The following CHST11 variants were observed in gnomAD, a reference collection of about 807,000 sequenced individuals.
CHST11 encodes the protein C4S-1.
Under a neutral mutation model 30.4 loss-of-function variants are expected in CHST11, and 9 were observed. The observed-to-expected ratio is 0.30, with a 90% confidence interval of 0.18 to 0.52. CHST11 has a LOEUF of 0.52. CHST11 is among the 20% of genes least tolerant of loss of function. The probability of loss-of-function intolerance (pLI) is 0.97; values close to 1 mark genes in which losing one functional copy is unlikely to be tolerated. For synonymous variants in CHST11, 152 were observed against 187.8 expected (o/e 0.81, Z 1.56); for missense variants, 348 against 460.6 (o/e 0.76, Z 2.24).
At chr12:104,669,102 G>A (rs1461326499) in intron 2 of CHST11, among the ~76,000 whole-genome samples, 3 of 152,202 alleles carry the variant, frequency 2.0e-5, no homozygotes, top group African/African-American at 4.8e-5. Flanking sequence ...TTAGACGTAC[G>A]CACCCCTCTG....
At chr12:104,752,493 G>A (rs1479661953) in intron 2 of CHST11, among the ~76,000 whole-genome samples, 2 of 146,838 alleles carry the variant, frequency 1.4e-5, no homozygotes, top group Admixed American at 6.8e-5. Context: ...AAACAATTGG[G>A]AAATTTATTT....
Position 104,756,937 on chromosome 12 carries a change from T to A in CHST11, c.205-12T>A, listed in dbSNP as rs771333255. ...GTACTGAGTTCTTATTCGTCTTGTG[T>A]CTCCTCTGCAGCTGGAGCTCTCAAA... On this transcript the variant is annotated splice_polypyrimidine_tract_variant and intron_variant, in intron 2 of 2. Coordinates refer to ENST00000303694, the MANE Select transcript of CHST11 (RefSeq NM_018413.6). 23 of 1,604,824 alleles carry A rather than the reference T, an allele frequency of 1.4e-5. No homozygotes were observed. Among genetic ancestry groups the A allele is most frequent in the Non-Finnish European group, 1.8e-5 (21 of 1,175,044 alleles).
intron 2 of CHST11, among the ~76,000 whole-genome samples, chr12:104,627,064 T>C (rs1280570985): frequency 2.0e-5 from 3 of 152,230 alleles, no homozygotes; most frequent in Admixed American, 2.0e-4. Context: ...GTTTTGTCTT[T>C]TCCAGAATGT....
chr12:104,462,964 G>C (rs894613342), intron 1 of CHST11, among the ~76,000 whole-genome samples: 5 of 152,154 alleles, frequency 3.3e-5, no homozygotes, highest in Non-Finnish European at 7.3e-5. Flanking sequence ...GGGTGATCAG[G>C]CACCACAGAA....
At chr12:104,519,789 A>G (rs533610728) in intron 1 of CHST11, among the ~76,000 whole-genome samples, 3 of 152,286 alleles carry the variant, frequency 2.0e-5, no homozygotes, top group African/African-American at 7.2e-5. Flanking sequence ...GCATGGAAAC[A>G]TGGTTGAGTG....
At chr12:104,571,978 G>T (rs992416893) in intron 1 of CHST11, among the ~76,000 whole-genome samples, 10 of 152,208 alleles carry the variant, frequency 6.6e-5, no homozygotes, top group Non-Finnish European at 1.5e-4. Flanking sequence ...TAATCATGTG[G>T]TTTTTGTCGT....
In CHST11 at chr12:104,511,038, A is replaced by G. The variant is rs149141237; in HGVS notation, c.118+53509A>G. On this transcript the variant is annotated intron_variant, in intron 1 of 2. Transcript: ENST00000303694. ...GTTTGAAATGACCATAAATCAAAGCATTATGGGAGATAAATTTTCTAGACT... is the reference window on the plus strand; with the variant it reads ...GTTTGAAATGACCATAAATCAAAGCGTTATGGGAGATAAATTTTCTAGACT... Among the ~76,000 whole-genome samples the G allele has an allele frequency of 1.5e-3, 229 of 152,330 alleles. 2 individuals carry two copies. Among genetic ancestry groups the G allele is most frequent in the African/African-American group, 5.2e-3 (218 of 41,566 alleles).
In CHST11 at chr12:104,734,555, C is replaced by T. The variant is rs541651630; in HGVS notation, c.205-22394C>T. Among the ~76,000 whole-genome samples, 252 of 152,310 alleles carry T rather than the reference C, an allele frequency of 1.7e-3. 1 individual carries two copies. The highest frequency in any genetic ancestry group is 2.7e-3 in the Non-Finnish European group (182 of 68,034). On this transcript the variant is annotated intron_variant, in intron 2 of 2. Transcript: ENST00000303694. ...TTTCTCCCGCCCCTAGTTCTGAATA[C>T]GGTCACAGGTGGAAAACGGGGTGGC...
intron 2 of CHST11, among the ~76,000 whole-genome samples, chr12:104,715,528 G>A (rs1357606517): frequency 1.3e-5 from 2 of 152,208 alleles, no homozygotes; most frequent in Admixed American, 6.5e-5. Flanking sequence ...TCCTCCCAGC[G>A]ATACGGAGGT....
At chr12:104,510,943 A>C (rs1421019829) in intron 1 of CHST11, among the ~76,000 whole-genome samples, 1 of 152,156 alleles carries the variant, frequency 6.6e-6, no homozygotes, top group Non-Finnish European at 1.5e-5. Flanking sequence ...CATACTTTAA[A>C]ATGAGTAGGT....
intron 2 of CHST11, among the ~76,000 whole-genome samples, chr12:104,659,046 G>A (rs553372012): frequency 6.6e-6 from 1 of 152,182 alleles, no homozygotes; most frequent in Non-Finnish European, 1.5e-5. Flanking sequence ...TCTTACCAAG[G>A]GCTCCCAAAA....
At chr12:104,568,233 G>A (rs1191366908) in intron 1 of CHST11, among the ~76,000 whole-genome samples, 1 of 152,172 alleles carries the variant, frequency 6.6e-6, no homozygotes, top group Non-Finnish European at 1.5e-5. Flanking sequence ...GGCGAGAGGA[G>A]TCAGACTTTC....
chr12:104,706,116 G>T (rs540742239), intron 2 of CHST11, among the ~76,000 whole-genome samples: 2 of 151,668 alleles, frequency 1.3e-5, no homozygotes, highest in South Asian at 4.2e-4. Flanking sequence ...GGGTACAGTG[G>T]CTCACGCCTG....
At chr12:104,743,026 C>T (rs898161177) in intron 2 of CHST11, among the ~76,000 whole-genome samples, 1 of 152,228 alleles carries the variant, frequency 6.6e-6, no homozygotes, top group Non-Finnish European at 1.5e-5. Context: ...AGGAAGCCCA[C>T]GAGGCCTCAT....
At chr12:104,594,436 T>A (rs960747235) in intron 1 of CHST11, among the ~76,000 whole-genome samples, 4 of 152,202 alleles carry the variant, frequency 2.6e-5, no homozygotes, top group African/African-American at 9.7e-5. Flanking sequence ...TCGGGAGGAC[T>A]TATTGGCTTC....
chr12:104,747,790 A>G (rs573658322), intron 2 of CHST11, among the ~76,000 whole-genome samples: 3 of 152,224 alleles, frequency 2.0e-5, no homozygotes, highest in East Asian at 3.9e-4. Context: ...ATTTGCCTGC[A>G]TGTCCCCCGA....
At chr12:104,685,945 G>C (rs947712590) in intron 2 of CHST11, among the ~76,000 whole-genome samples, 1 of 152,152 alleles carries the variant, frequency 6.6e-6, no homozygotes, top group Non-Finnish European at 1.5e-5. Flanking sequence ...CATTTCTATA[G>C]GCTGGGCACA....
chr12:104,634,554 C>T (rs2039304948), intron 2 of CHST11, among the ~76,000 whole-genome samples: 1 of 152,206 alleles, frequency 6.6e-6, no homozygotes, highest in African/African-American at 2.4e-5. Flanking sequence ...CCAAACCGCT[C>T]CTCGAGGGTC....
chr12:104,693,520 A>G lies in CHST11; in HGVS notation c.205-63429A>G, dbSNP rs75925110. Reference sequence around the variant, plus strand: ...GATGTGTGGTCACTTAAATTACACAACTTCTTAACTCTGACAGAATGGTGC... The same window carrying G: ...GATGTGTGGTCACTTAAATTACACAGCTTCTTAACTCTGACAGAATGGTGC... On this transcript the variant is annotated intron_variant, in intron 2 of 2. Coordinates refer to ENST00000303694, the MANE Select transcript of CHST11 (RefSeq NM_018413.6). 2.6e-3 allele frequency among the ~76,000 whole-genome samples: 401 copies of G among 152,304 alleles called. 6 individuals carry two copies. The highest frequency in any genetic ancestry group is 0.022 in the East Asian group (115 of 5,190).
Sources: allele counts gnomAD v4.1 joint callset (sites outside exome capture counted in the v4.1 genomes callset), GRCh38; gene constraint gnomAD v4.1.1; transcripts MANE v1.5; gene names NCBI Gene and HGNC (gene_info 2026-07-23, HGNC 2026-07-21).